The following CTNND2 variants were observed in gnomAD, a reference collection of about 807,000 sequenced individuals.
The protein encoded by CTNND2 is catenin delta-2.
A neutral mutation model predicts 144.4 loss-of-function variants in CTNND2; 22 were observed. The ratio of observed to expected loss-of-function variants is 0.15; its 90% CI spans 0.11 to 0.22. The LOEUF is 0.22. CTNND2 is among the 10% of genes least tolerant of loss of function. The pLI, the probability that CTNND2 is intolerant of heterozygous loss-of-function variation, is 1.00. For synonymous variants in CTNND2, 751 were observed against 695.6 expected (o/e 1.08, Z -1.25); for missense variants, 1,353 against 1,618.8 (o/e 0.84, Z 2.82).
At chr5:11,215,615 T>C (rs1739092879) in intron 10 of CTNND2, among the ~76,000 whole-genome samples, 1 of 152,232 alleles carries the variant, frequency 6.6e-6, no homozygotes. Flanking sequence ...TAAGGAAGAT[T>C]ATTCATAATT....
intron 3 of CTNND2, among the ~76,000 whole-genome samples, chr5:11,564,462 A>G (rs1020183037): frequency 1.3e-5 from 2 of 152,224 alleles, no homozygotes; most frequent in African/African-American, 4.8e-5. Context: ...ATGTTTATGA[A>G]TGAGGAAATA....
intron 9 of CTNND2, among the ~76,000 whole-genome samples, chr5:11,246,221 T>G (rs775098353): frequency 1.1e-4 from 16 of 152,206 alleles, no homozygotes; most frequent in Non-Finnish European, 2.1e-4. Context: ...ATTTGTCAGA[T>G]AGTGATACAT....
intron 3 of CTNND2, among the ~76,000 whole-genome samples, chr5:11,433,947 A>G (rs1422299732): frequency 6.6e-6 from 1 of 152,212 alleles, no homozygotes; most frequent in Non-Finnish European, 1.5e-5. Flanking sequence ...TACATACCCA[A>G]TGTGCCAGTG....
In CTNND2 at chr5:11,384,377, G is replaced by C; in HGVS notation, c.1177+288C>G. The C allele has an allele frequency of 4.6e-6, 2 of 435,326 alleles. No individual in the cohort carries two copies. The highest frequency in any genetic ancestry group is 4.4e-5 in the South Asian group (1 of 22,934). 27.0% of individuals were successfully genotyped at this position (435,326 alleles called of 1,614,324 possible). Reference sequence around the variant, plus strand: ...TTTCCTAAATGTGTCTTACTTTTATGAGTTAGTCTTTAGGCTGGGGAGAGG... The same window carrying C: ...TTTCCTAAATGTGTCTTACTTTTATCAGTTAGTCTTTAGGCTGGGGAGAGG... On this transcript the variant is annotated intron_variant, in intron 7 of 21. Transcript: ENST00000304623. The surrounding 1 kb of genome is among the most constrained non-coding windows in gnomAD (Gnocchi z 5.2).
chr5:11,658,776 T>C (rs1783041599), intron 2 of CTNND2, among the ~76,000 whole-genome samples: 1 of 152,132 alleles, frequency 6.6e-6, no homozygotes, highest in Non-Finnish European at 1.5e-5. Flanking sequence ...ATGAATACAT[T>C]TCCTGACAAT....
intron 16 of CTNND2, among the ~76,000 whole-genome samples, chr5:11,059,606 T>C (rs891453971): frequency 6.6e-6 from 1 of 152,246 alleles, no homozygotes; most frequent in African/African-American, 2.4e-5. Flanking sequence ...GTTTTAGCTA[T>C]GAGCACAGAA....
chr5:11,764,100 G>A (rs1364778245), intron 1 of CTNND2, among the ~76,000 whole-genome samples: 13 of 152,082 alleles, frequency 8.5e-5, no homozygotes, highest in Admixed American at 8.5e-4. Flanking sequence ...GGAAGAGGGA[G>A]GCAGGAAAGT....
At chr5:11,383,052 A>G (rs61749857) in intron 7 of CTNND2, among the ~76,000 whole-genome samples, 3,541 of 152,246 alleles carry the variant, frequency 0.023, 131 homozygotes, top group African/African-American at 0.082. Context: ...CTCCACAGGT[A>G]TATTCAGCCA....
chr5:11,285,347 T>C (rs578017699), intron 9 of CTNND2, among the ~76,000 whole-genome samples: 3 of 152,196 alleles, frequency 2.0e-5, no homozygotes, highest in Non-Finnish European at 4.4e-5. Context: ...CCTATTGCAA[T>C]AGTTTCTGAA....
intron 1 of CTNND2, among the ~76,000 whole-genome samples, chr5:11,882,711 T>A (rs1270413386): frequency 6.6e-6 from 1 of 152,128 alleles, no homozygotes; most frequent in African/African-American, 2.4e-5. Context: ...TTACTATAGA[T>A]TTATAGTATA....
chr5:11,555,513 CG>C (rs1052696160), intron 3 of CTNND2, among the ~76,000 whole-genome samples: 2 of 151,954 alleles, frequency 1.3e-5, no homozygotes, highest in African/African-American at 4.8e-5. Flanking sequence ...TCCTGCTATT[CG>C]GGAGGAGAAA....
chr5:11,262,849 A>G (rs1745052951), intron 9 of CTNND2, among the ~76,000 whole-genome samples: 1 of 151,164 alleles, frequency 6.6e-6, no homozygotes, highest in Admixed American at 6.6e-5. Context: ...TTTTCCATTC[A>G]CAGGCTGAAC....
intron 9 of CTNND2, among the ~76,000 whole-genome samples, chr5:11,250,491 C>CTCTCTCTCTA (rs869141186): frequency 3.4e-3 from 217 of 64,090 alleles, no homozygotes; most frequent in East Asian, 4.6e-3. Flanking sequence ...CTCTCTCTCT[C>CTCTCTCTCTA]TATATATATA....
chr5:11,290,125 G>A (rs1748172615), intron 9 of CTNND2, among the ~76,000 whole-genome samples: 1 of 152,152 alleles, frequency 6.6e-6, no homozygotes, highest in Non-Finnish European at 1.5e-5. Flanking sequence ...AAAGAGTGGA[G>A]AATAGCAGCA....
intron 1 of CTNND2, among the ~76,000 whole-genome samples, chr5:11,831,666 CAA>C (rs61030048): frequency 5.0e-4 from 50 of 99,018 alleles, no homozygotes; most frequent in East Asian, 6.5e-4. Context: ...GACTCTGTAT[CAA>C]AAAAAAAAAA....
At chr5:11,819,748 C>T (rs1467294982) in intron 1 of CTNND2, among the ~76,000 whole-genome samples, 1 of 152,200 alleles carries the variant, frequency 6.6e-6, no homozygotes, top group Non-Finnish European at 1.5e-5. Flanking sequence ...GGCAAACTCT[C>T]CAGGAATGGC....
At chr5:11,563,669 T>C (rs1367702414) in intron 3 of CTNND2, among the ~76,000 whole-genome samples, 2 of 152,128 alleles carry the variant, frequency 1.3e-5, no homozygotes, top group African/African-American at 2.4e-5. Context: ...AATAAGGTTT[T>C]ATAATGGAAA....
At chr5:11,566,979 G>A (rs1388557173) in intron 2 of CTNND2, among the ~76,000 whole-genome samples, 3 of 152,100 alleles carry the variant, frequency 2.0e-5, no homozygotes, top group Non-Finnish European at 4.4e-5. Context: ...AGTTCTTTGG[G>A]TAAAGAAGTC....
rs12108984 is a variant in CTNND2, at chr5:11,044,923, C to T, written c.2789-21944G>A. Among the ~76,000 whole-genome samples, 1,455 of 152,316 alleles carry T rather than the reference C, an allele frequency of 9.6e-3. 35 individuals are homozygous for T. The highest frequency in any genetic ancestry group is 0.033 in the African/African-American group (1,370 of 41,578). On this transcript the variant is annotated intron_variant, in intron 16 of 21. Transcript: ENST00000304623. The stretch of plus-strand genomic sequence containing the variant: ...GGGCCACCACTGGGGACCCTGAGGG[C>T]CCCTGAAAATGGTACTTCTTTCTTT...
Sources: gnomAD v4.1 joint callset for allele counts (sites outside exome capture counted in the v4.1 genomes callset) on GRCh38, gnomAD v4.1.1 for gene constraint, Gnocchi (gnomAD v3.1) non-coding constraint, MANE v1.5 for transcripts, NCBI Gene and HGNC (gene_info 2026-07-23, HGNC 2026-07-21) for gene names.